TBL1X: variants seen among roughly 807,000 people sequenced by gnomAD.
The protein encoded by TBL1X is F-box-like/WD repeat-containing protein TBL1X.
TBL1X carries 10 observed loss-of-function variants against 50.7 expected under a neutral mutation model. The observed-to-expected ratio is 0.20, with a 90% CI of 0.12 to 0.33. The LOEUF (loss-of-function observed/expected upper bound fraction) is 0.33. Among genes scored for constraint, TBL1X ranks in the 10% least tolerant of loss-of-function variants. TBL1X has a pLI of 1.00. For missense variants in TBL1X, 340 were observed against 504.4 expected (o/e 0.67, Z 3.12); for synonymous variants, 190 against 214.7 (o/e 0.88, Z 1.01).
At chrX:9,612,330 T>C (rs888829249) in intron 2 of TBL1X, among the ~76,000 whole-genome samples, 1 of 111,424 alleles carries the variant, frequency 9.0e-6, no homozygotes, top group Non-Finnish European at 1.9e-5. Context: ...AGTCCACAAA[T>C]TGTAGAGCCT....
At position 9,714,863 on chromosome X, in the gene TBL1X, G is replaced by A. The variant is rs185009138; in HGVS notation, c.1606-39G>A. The A allele has an allele frequency of 7.9e-5, 92 of 1,165,057 alleles. No homozygotes were observed. In the African/African-American group the frequency reaches 8.6e-4, roughly 11 times the overall value. ...TTCCACACCTGCATCTGTCGCAGGC[G>A]CCCCTTGCGTTGTAAGTGACAGCTG... is the stretch of plus-strand genomic sequence containing the variant. On this transcript the variant is annotated intron_variant, in intron 16 of 17. Coordinates refer to ENST00000645353, the MANE Select transcript of TBL1X (RefSeq NM_005647.4).
At chrX:9,692,065 AT>A (rs765101713) in intron 8 of TBL1X, 47 bp from the exon 9 acceptor site, 1 of 1,208,587 alleles carries the variant, frequency 8.3e-7, no homozygotes, top group African/African-American at 1.8e-5. Context: ...AGAGCTTCTT[AT>A]CCCATTTGAA....
chrX:9,505,842 A>C (rs1280935581), intron 2 of TBL1X, among the ~76,000 whole-genome samples: 2 of 112,273 alleles, frequency 1.8e-5, no homozygotes, highest in Non-Finnish European at 3.8e-5. Flanking sequence ...TTAGACTCCC[A>C]CACAATAATA....
chrX:9,590,492 T>C (rs2082494518), intron 2 of TBL1X, among the ~76,000 whole-genome samples: 1 of 112,061 alleles, frequency 8.9e-6, no homozygotes, highest in Admixed American at 9.5e-5. Context: ...GTTCGGATTC[T>C]TAGTAAAGGA....
At chrX:9,481,042 A>G (rs1214843286) in intron 1 of TBL1X, among the ~76,000 whole-genome samples, 1 of 111,503 alleles carries the variant, frequency 9.0e-6, no homozygotes, top group East Asian at 2.8e-4. Flanking sequence ...AGATGATCAG[A>G]CCTTAACTGT....
At chrX:9,519,302 A>G (rs2146964775) in intron 2 of TBL1X, among the ~76,000 whole-genome samples, 1 of 111,198 alleles carries the variant, frequency 9.0e-6, no homozygotes, top group Admixed American at 9.6e-5. Flanking sequence ...GCTGGAGTAC[A>G]GTGGTGCAGT....
At chrX:9,660,735 G>A (rs889841154) in intron 5 of TBL1X, among the ~76,000 whole-genome samples, 2 of 112,402 alleles carry the variant, frequency 1.8e-5, no homozygotes, top group African/African-American at 6.5e-5. Context: ...GCCCATTTCT[G>A]CACACCTGAC....
intron 1 of TBL1X, among the ~76,000 whole-genome samples, chrX:9,472,927 T>A (rs12394364): frequency 0.038 from 4,089 of 108,392 alleles, 212 homozygotes; most frequent in African/African-American, 0.13. Flanking sequence ...AAAAAAACAA[T>A]AATTTTAAGA....
chrX:9,469,536 G>A (rs1355722465), intron 1 of TBL1X, among the ~76,000 whole-genome samples: 2 of 112,661 alleles, frequency 1.8e-5, no homozygotes, highest in African/African-American at 6.5e-5. Context: ...CATCAGTCAC[G>A]ATGGTGTCTA....
intron 2 of TBL1X, among the ~76,000 whole-genome samples, chrX:9,533,687 G>A (rs970410831): frequency 9.0e-6 from 1 of 110,928 alleles, no homozygotes; most frequent in African/African-American, 3.3e-5. Context: ...GTGGGTATTC[G>A]TGCAGTGTTT....
intron 5 of TBL1X, among the ~76,000 whole-genome samples, chrX:9,655,067 T>G (rs2082857829): frequency 9.0e-6 from 1 of 111,683 alleles, no homozygotes; most frequent in South Asian, 3.8e-4. Flanking sequence ...CCCGCCTTCC[T>G]CGATGATGAT....
At chrX:9,505,040 A>G (rs1244308597) in intron 2 of TBL1X, among the ~76,000 whole-genome samples, 1 of 112,025 alleles carries the variant, frequency 8.9e-6, no homozygotes, top group Non-Finnish European at 1.9e-5. Flanking sequence ...ATGAAGGATA[A>G]AACTAAGGGC....
intron 2 of TBL1X, among the ~76,000 whole-genome samples, chrX:9,636,117 A>G (rs2082745238): frequency 8.9e-6 from 1 of 111,886 alleles, no homozygotes; most frequent in Admixed American, 9.5e-5. Context: ...AGAGCCAGAA[A>G]GCATTCTGTG....
At chrX:9,484,970 C>T (rs1005716596) in intron 1 of TBL1X, among the ~76,000 whole-genome samples, 16 of 108,925 alleles carry the variant, frequency 1.5e-4, no homozygotes, top group Non-Finnish European at 2.7e-4. Flanking sequence ...CACTTGTAGT[C>T]CCAGCTTCTC....
chrX:9,653,502 G>C, intron 3 of TBL1X, 43 bp from the exon 4 acceptor site: 1 of 838,075 alleles, frequency 1.2e-6, no homozygotes, highest in Non-Finnish European at 1.7e-6. Context: ...AAACACAAAT[G>C]ACAGAGGTGC....
intron 6 of TBL1X, among the ~76,000 whole-genome samples, chrX:9,687,776 C>T (rs1410996494): frequency 9.2e-6 from 1 of 108,938 alleles, no homozygotes; most frequent in Non-Finnish European, 1.9e-5. Context: ...GGGTTTGACA[C>T]TCAGAACAAC....
intron 1 of TBL1X, among the ~76,000 whole-genome samples, chrX:9,500,276 CAA>C (rs386416596): frequency 5.0e-4 from 20 of 39,760 alleles, no homozygotes; most frequent in African/African-American, 1.0e-3. Context: ...GACCCTGTCT[CAA>C]AAAAAAAAAA....
chrX:9,584,022 A>G (rs541051220), intron 2 of TBL1X, among the ~76,000 whole-genome samples: 7 of 112,574 alleles, frequency 6.2e-5, no homozygotes, highest in Middle Eastern at 9.1e-3. Context: ...GACATGGGGA[A>G]TGCAGATGAA....
intron 2 of TBL1X, among the ~76,000 whole-genome samples, chrX:9,600,281 T>C (rs949226506): frequency 9.1e-6 from 1 of 109,868 alleles, no homozygotes; most frequent in Non-Finnish European, 1.9e-5. Flanking sequence ...GGCTGCTTTC[T>C]CACAGACAGC....
Sources: allele counts gnomAD v4.1 joint callset (sites outside exome capture counted in the v4.1 genomes callset), GRCh38; gene constraint gnomAD v4.1.1; transcripts MANE v1.5; gene names NCBI Gene and HGNC (gene_info 2026-07-23, HGNC 2026-07-21).